SHQ1: variants seen among roughly 807,000 people sequenced by gnomAD.
SHQ1 encodes the protein SHQ1, H/ACA ribonucleoprotein assembly factor.
A neutral mutation model predicts 53.8 loss-of-function variants in SHQ1; 49 were observed. The ratio of observed to expected loss-of-function variants is 0.91; its 90% CI spans 0.72 to 1.16. SHQ1 has a LOEUF of 1.16. Ranked by LOEUF, SHQ1 falls within the 50% of genes most tolerant of loss-of-function variation. The pLI is 0.00. For synonymous variants in SHQ1, 243 were observed against 251.0 expected, an observed-to-expected ratio of 0.97 and a Z score of 0.30; for missense variants, 738 against 683.1, an observed-to-expected ratio of 1.08 and a Z score of -0.90.
chr3:72,784,135 CTA>C, intron 10 of SHQ1, among the ~76,000 whole-genome samples: 1 of 134,098 alleles, frequency 7.5e-6, no homozygotes, highest in East Asian at 2.0e-4. Context: ...AAAAGTCTAC[CTA>C]AAAAAAAAAA....
intron 9 of SHQ1, among the ~76,000 whole-genome samples, chr3:72,804,262 T>C (rs1440072068): frequency 6.6e-6 from 1 of 152,114 alleles, no homozygotes; most frequent in Non-Finnish European, 1.5e-5. Context: ...CCTTTGTATC[T>C]TATATTATAA....
chr3:72,793,152 A>G, intron 9 of SHQ1, 116 bp from the exon 10 acceptor site: 1 of 943,286 alleles, frequency 1.1e-6, no homozygotes, highest in Non-Finnish European at 1.5e-6. Flanking sequence ...ACATTTTTAA[A>G]TGCAAAAAAA....
intron 10 of SHQ1, among the ~76,000 whole-genome samples, chr3:72,757,679 T>C (rs1705526927): frequency 6.6e-6 from 1 of 152,160 alleles, no homozygotes; most frequent in Non-Finnish European, 1.5e-5. Flanking sequence ...TGTAGCAACA[T>C]GGATGGAGCT....
At chr3:72,774,460 A>G (rs1705915222) in intron 10 of SHQ1, among the ~76,000 whole-genome samples, 1 of 151,146 alleles carries the variant, frequency 6.6e-6, no homozygotes, top group Admixed American at 6.6e-5. Context: ...ATCTCAACAA[A>G]TTTCTAAACA....
At chr3:72,758,358 A>G (rs996129384) in intron 10 of SHQ1, among the ~76,000 whole-genome samples, 1 of 152,184 alleles carries the variant, frequency 6.6e-6, no homozygotes, top group Non-Finnish European at 1.5e-5. Context: ...CAATAACACA[A>G]CTTCTCATAC....
At chr3:72,840,315 G>C (rs1575739721) in intron 4 of SHQ1, among the ~76,000 whole-genome samples, 1 of 143,582 alleles carries the variant, frequency 7.0e-6, no homozygotes, top group Non-Finnish European at 1.5e-5. Context: ...TATAATCCCA[G>C]AACTTTGGGA....
chr3:72,790,788 C>T (rs1056346862), intron 10 of SHQ1, among the ~76,000 whole-genome samples: 3 of 152,116 alleles, frequency 2.0e-5, no homozygotes, highest in East Asian at 1.9e-4. Flanking sequence ...GAAAGCAACA[C>T]GCCTGTTTAG....
chr3:72,770,965 T>C (rs964559783), intron 10 of SHQ1, among the ~76,000 whole-genome samples: 2 of 152,168 alleles, frequency 1.3e-5, no homozygotes, highest in Non-Finnish European at 2.9e-5. Flanking sequence ...ACAAAACATA[T>C]AACAATCTCC....
At chr3:72,730,040 G>A in the SHQ1 span, among the ~76,000 whole-genome samples, 3 of 151,992 alleles carry the variant, frequency 2.0e-5, no homozygotes, top group East Asian at 3.9e-4. Flanking sequence ...GGATGGTCTC[G>A]ATCTCCTGAC....
intron 10 of SHQ1, among the ~76,000 whole-genome samples, chr3:72,773,739 C>T (rs1054030457): frequency 2.0e-5 from 3 of 152,156 alleles, no homozygotes; most frequent in African/African-American, 7.2e-5. Context: ...GATCTGCTGA[C>T]TGAGTCAATG....
At chr3:72,819,560 A>G (rs1238647365) in intron 6 of SHQ1, among the ~76,000 whole-genome samples, 1 of 152,184 alleles carries the variant, frequency 6.6e-6, no homozygotes, top group Non-Finnish European at 1.5e-5. Flanking sequence ...GTGGAGGTAC[A>G]GCATCATAAA....
intron 10 of SHQ1, among the ~76,000 whole-genome samples, chr3:72,775,459 CTT>C (rs202198673): frequency 3.7e-4 from 44 of 119,532 alleles, no homozygotes; most frequent in Admixed American, 5.1e-4. Flanking sequence ...GACACAATGG[CTT>C]TTTTTTTTTT....
chr3:72,843,545 T>C (rs527693698), intron 2 of SHQ1, among the ~76,000 whole-genome samples: 2 of 152,316 alleles, frequency 1.3e-5, no homozygotes, highest in Non-Finnish European at 2.9e-5. Flanking sequence ...TTCCAACATA[T>C]CAAATACAAC....
At chr3:72,815,205 TA>T in intron 8 of SHQ1, 144 bp downstream of exon 8, 1 of 658,334 alleles carries the variant, frequency 1.5e-6, no homozygotes, top group East Asian at 2.7e-5. Flanking sequence ...AGAATTTTAT[TA>T]AAAAGATGGA....
At chr3:72,729,400 G>A in the SHQ1 span, among the ~76,000 whole-genome samples, 787 of 152,278 alleles carry the variant, frequency 5.2e-3, 7 homozygotes, top group African/African-American at 0.017. Context: ...TGCTCGTGCT[G>A]CCTCCAGCCT....
At chr3:72,784,062 G>A (rs757363998) in intron 10 of SHQ1, among the ~76,000 whole-genome samples, 12 of 150,578 alleles carry the variant, frequency 8.0e-5, no homozygotes, top group Non-Finnish European at 1.3e-4. Flanking sequence ...ACCTGGGTAG[G>A]GTACATGGGA....
the SHQ1 span, among the ~76,000 whole-genome samples, chr3:72,726,759 G>A: frequency 2.6e-5 from 4 of 152,128 alleles, no homozygotes; most frequent in Non-Finnish European, 2.9e-5. Context: ...GAGACACCTC[G>A]GGATGATTGA....
At chr3:72,773,157 GA>G in intron 10 of SHQ1, 1 of 744,210 alleles carries the variant, frequency 1.3e-6, no homozygotes, top group Non-Finnish European at 2.5e-6. Context: ...TGGAATTTTG[GA>G]AAAAGACATA....
intron 10 of SHQ1, among the ~76,000 whole-genome samples, chr3:72,789,778 G>A (rs981893019): frequency 6.6e-6 from 1 of 152,216 alleles, no homozygotes; most frequent in African/African-American, 2.4e-5. Context: ...AGGCAGGCAT[G>A]AGAGGTGCCC....
Sources: allele counts gnomAD v4.1 joint callset (sites outside exome capture counted in the v4.1 genomes callset), GRCh38; gene constraint gnomAD v4.1.1; transcripts MANE v1.5; gene names NCBI Gene and HGNC (gene_info 2026-07-23, HGNC 2026-07-21).